The following KAT6A variants were observed in gnomAD, a reference collection of about 807,000 sequenced individuals.
KAT6A encodes the protein lysine acetyltransferase 6A, also known as histone acetyltransferase KAT6A.
A neutral mutation model predicts 198.4 loss-of-function variants in KAT6A; 9 were observed. The observed-to-expected ratio is 0.05, with a 90% CI of 0.03 to 0.08. KAT6A has a LOEUF of 0.08. Among genes scored for constraint, KAT6A ranks in the 10% least tolerant of loss-of-function variants. KAT6A has a pLI of 1.00. For missense variants in KAT6A, 2,077 were observed against 2,509.9 expected (o/e 0.83, Z 3.69); for synonymous variants, 890 against 883.0 (o/e 1.01, Z -0.14).
chr8:42,027,605 C>T (rs1239353794), intron 2 of KAT6A, among the ~76,000 whole-genome samples: 3 of 152,030 alleles, frequency 2.0e-5, no homozygotes, highest in Non-Finnish European at 4.4e-5. Context: ...TAGTTGCTGA[C>T]GATCCTTTGT....
At position 42,045,055 on chromosome 8, in the gene KAT6A, C is replaced by T. The variant is rs148258960; in HGVS notation, c.600+3323G>A. 5.3e-5 allele frequency among the ~76,000 whole-genome samples: 8 copies of T among 152,252 alleles called. No individual in the cohort carries two copies. The South Asian group carries it at 1.4e-3, about 28-fold the overall frequency. ...TCTCATCCTAGAGTTCACTGTATTA[C>T]GATTTTTAATGTAAACTTTTCATAT... On this transcript the variant is annotated intron_variant, in intron 2 of 16. Transcript: ENST00000265713.
At chr8:41,943,022 T>C (rs377395289) in intron 13 of KAT6A, 22 bp from the exon 14 acceptor site, 37 of 1,613,266 alleles carry the variant, frequency 2.3e-5, no homozygotes, top group African/African-American at 1.1e-4. Context: ...GAAAAGTTTA[T>C]AGCAATCAAC....
Position 41,932,619 on chromosome 8 carries a change from C to T in KAT6A, c.5601G>A (p.Ala1867=), listed in dbSNP as rs140666969. The change falls in exon 17 of 17, where the codon GCG becomes GCA. Residue 1867 remains alanine, a synonymous_variant. Transcript: ENST00000265713. The part of the protein sequence containing the change: ...IRSKSAPLPS[A]AAHQQQLYGR... ...CATACAGCTGCTGCTGGTGAGCAGC[C>T]GCAGAGGGCAGTGGCGCAGACTTGG... The T allele has an allele frequency of 2.9e-5, 46 of 1,613,882 alleles. No homozygotes were observed. Among genetic ancestry groups the T allele is most frequent in the South Asian group, 1.3e-4 (12 of 91,082 alleles).
chr8:42,050,616 A>G (rs937241691), intron 1 of KAT6A, among the ~76,000 whole-genome samples: 7 of 152,220 alleles, frequency 4.6e-5, no homozygotes. Context: ...CCTAAAAAGA[A>G]GCCCCCTGGG....
chr8:42,000,824 G>A (rs192509933), intron 2 of KAT6A, among the ~76,000 whole-genome samples: 14 of 152,172 alleles, frequency 9.2e-5, no homozygotes, highest in Admixed American at 2.6e-4. Flanking sequence ...ATCATTATAC[G>A]CTCCTCAGTT....
chr8:42,041,798 A>G (rs565942571), intron 2 of KAT6A, among the ~76,000 whole-genome samples: 112 of 151,674 alleles, frequency 7.4e-4, no homozygotes, highest in African/African-American at 2.6e-3. Flanking sequence ...AAATATAACA[A>G]TTACTGAGAT....
Position 41,941,154 on chromosome 8 carries a change from G to A in KAT6A, c.2727C>T (p.Thr909=). ...YGECGEKSEA[T]QEQYTESEEQ... is the part of the protein sequence containing the mutation. Reference sequence around the variant, plus strand: ...CTTCACTTTCAGTGTATTGTTCCTGGGTGGCTTCTGATTTCTCCCCACATT... The same window carrying A: ...CTTCACTTTCAGTGTATTGTTCCTGAGTGGCTTCTGATTTCTCCCCACATT... Residue 909 remains threonine, a synonymous_variant, in exon 15 of 17, where the codon ACC becomes ACT. Coordinates refer to ENST00000265713, the MANE Select transcript of KAT6A (RefSeq NM_006766.5). 1 of 1,614,040 alleles carries A rather than the reference G, an allele frequency of 6.2e-7. No homozygotes were observed. Among genetic ancestry groups the A allele is most frequent in the Non-Finnish European group, 8.5e-7 (1 of 1,180,004 alleles).
chr8:41,952,859 T>C (rs751785671), intron 9 of KAT6A, among the ~76,000 whole-genome samples: 15 of 152,034 alleles, frequency 9.9e-5, no homozygotes, highest in Non-Finnish European at 1.8e-4. Context: ...GAACTACGAA[T>C]ATAAAGATAG....
At chr8:41,955,154 C>CTTT (rs1822863059) in intron 9 of KAT6A, 142 bp downstream of exon 9, 1 of 585,646 alleles carries the variant, frequency 1.7e-6, no homozygotes, top group Non-Finnish European at 3.0e-6. Flanking sequence ...GCTGCCAAAG[C>CTTT]CGCTGCTATT....
At chr8:42,023,214 G>C (rs1673315417) in intron 2 of KAT6A, among the ~76,000 whole-genome samples, 1 of 152,134 alleles carries the variant, frequency 6.6e-6, no homozygotes, top group Non-Finnish European at 1.5e-5. Context: ...CACAAATGGA[G>C]CTTGCAGGAC....
chr8:41,996,551 C>CCAA (rs1825213927), intron 2 of KAT6A, among the ~76,000 whole-genome samples: 1 of 152,126 alleles, frequency 6.6e-6, no homozygotes, highest in African/African-American at 2.4e-5. Flanking sequence ...GAGGTGGGGG[C>CCAA]TTTCGGAAGG....
intron 2 of KAT6A, among the ~76,000 whole-genome samples, chr8:42,044,662 G>A (rs1587864913): frequency 6.6e-6 from 1 of 152,120 alleles, no homozygotes; most frequent in Non-Finnish European, 1.5e-5. Context: ...GTTACTCCAC[G>A]CAGTCTTTGA....
At chr8:41,984,619 T>C (rs1824514743) in intron 3 of KAT6A, among the ~76,000 whole-genome samples, 1 of 152,170 alleles carries the variant, frequency 6.6e-6, no homozygotes, top group Non-Finnish European at 1.5e-5. Flanking sequence ...TGCTAAGATT[T>C]AGAGTAATTT....
chr8:41,994,747 C>G (rs1375828789), intron 2 of KAT6A, among the ~76,000 whole-genome samples: 2 of 151,892 alleles, frequency 1.3e-5, no homozygotes, highest in African/African-American at 4.8e-5. Flanking sequence ...TTTTTAGGAC[C>G]ATATTCTTAC....
At chr8:42,018,257 C>T (rs1826363339) in intron 2 of KAT6A, among the ~76,000 whole-genome samples, 1 of 152,104 alleles carries the variant, frequency 6.6e-6, no homozygotes, top group Admixed American at 6.5e-5. Flanking sequence ...ATTATTAGGC[C>T]AGGCACGGTG....
chr8:41,986,716 C>A (rs1200567482), intron 3 of KAT6A, among the ~76,000 whole-genome samples: 1 of 152,164 alleles, frequency 6.6e-6, no homozygotes, highest in Non-Finnish European at 1.5e-5. Flanking sequence ...TACAGTCATG[C>A]ACCACACAAT....
At chr8:41,987,303 T>A (rs1158727091) in intron 3 of KAT6A, 152 bp downstream of exon 3, 3 of 597,018 alleles carry the variant, frequency 5.0e-6, no homozygotes, top group Middle Eastern at 3.0e-4. Context: ...TGAAACCTTC[T>A]AAAGACATGT....
intron 2 of KAT6A, among the ~76,000 whole-genome samples, chr8:42,022,541 A>C (rs1826597937): frequency 6.6e-6 from 1 of 152,186 alleles, no homozygotes; most frequent in Non-Finnish European, 1.5e-5. Flanking sequence ...AAAAGTGGGT[A>C]ACGATTTTTC....
At chr8:42,039,503 AG>A (rs1232308256) in intron 2 of KAT6A, among the ~76,000 whole-genome samples, 1 of 152,208 alleles carries the variant, frequency 6.6e-6, no homozygotes, top group Non-Finnish European at 1.5e-5. Context: ...TTACAGCTTC[AG>A]GAAGACTGAA....
Sources: allele counts gnomAD v4.1 joint callset (sites outside exome capture counted in the v4.1 genomes callset), GRCh38; gene constraint gnomAD v4.1.1; transcripts MANE v1.5; gene names NCBI Gene and HGNC (gene_info 2026-07-23, HGNC 2026-07-21).